The following WDPCP variants were observed in gnomAD, a reference collection of about 807,000 sequenced individuals.
WDPCP encodes the protein WD repeat-containing and planar cell polarity effector protein fritz homolog.
In WDPCP, 71 loss-of-function variants were observed where a neutral mutation model predicts 93.1. The ratio of observed to expected loss-of-function variants is 0.76; its 90% CI spans 0.63 to 0.93. The LOEUF (loss-of-function observed/expected upper bound fraction) is 0.93, where lower values mean the gene tolerates loss of function less well. Among genes scored for constraint, WDPCP ranks in the 40% least tolerant of loss-of-function variants. The probability of loss-of-function intolerance (pLI) is 0.00; values close to 1 mark genes in which losing one functional copy is unlikely to be tolerated. For missense variants in WDPCP, 844 were observed against 887.4 expected (o/e 0.95, Z 0.62); for synonymous variants, 315 against 315.0 (o/e 1.00, Z 0.00).
At chr2:63,396,250 T>G (rs527306250) in intron 10 of WDPCP, among the ~76,000 whole-genome samples, 1 of 152,272 alleles carries the variant, frequency 6.6e-6, no homozygotes, top group East Asian at 1.9e-4. Context: ...TTGGGTAAAG[T>G]ATAATGTTAA....
intron 1 of WDPCP, among the ~76,000 whole-genome samples, chr2:63,825,511 C>G (rs552340737): frequency 4.7e-4 from 72 of 151,986 alleles, no homozygotes; most frequent in African/African-American, 1.7e-3. Flanking sequence ...GCTGCTCTCT[C>G]TTTCTCTGAT....
intron 6 of WDPCP, among the ~76,000 whole-genome samples, chr2:63,451,786 C>G (rs1404994910): frequency 1.3e-5 from 2 of 152,122 alleles, no homozygotes; most frequent in Non-Finnish European, 2.9e-5. Context: ...AAGGCTGGTT[C>G]AACATATGCA....
chr2:63,268,232 G>A (rs1212586184), intron 13 of WDPCP, among the ~76,000 whole-genome samples: 2 of 152,098 alleles, frequency 1.3e-5, no homozygotes. Context: ...CAGAAAGAAA[G>A]ATACTGTATG....
intron 2 of WDPCP, among the ~76,000 whole-genome samples, chr2:63,719,918 A>G (rs192728649): frequency 6.6e-6 from 1 of 152,286 alleles, no homozygotes; most frequent in East Asian, 1.9e-4. Context: ...TTATACTAGT[A>G]TTTATATAGC....
chr2:63,327,437 T>C (rs1330401914), intron 12 of WDPCP, among the ~76,000 whole-genome samples: 1 of 152,180 alleles, frequency 6.6e-6, no homozygotes, highest in Non-Finnish European at 1.5e-5. Context: ...CCACACACTC[T>C]CAAAGGATTT....
At chr2:63,637,258 C>A (rs1709930064) in intron 3 of WDPCP, among the ~76,000 whole-genome samples, 1 of 151,596 alleles carries the variant, frequency 6.6e-6, no homozygotes, top group East Asian at 1.9e-4. Context: ...GAGGCTGAGG[C>A]AGAGAATTGC....
intron 14 of WDPCP, among the ~76,000 whole-genome samples, chr2:63,180,886 A>G (rs1674188292): frequency 6.6e-6 from 1 of 152,070 alleles, no homozygotes; most frequent in Non-Finnish European, 1.5e-5. Context: ...CTTGCGTGAA[A>G]TATGTCATTG....
rs34685763 is a variant in WDPCP at position 63,428,185 on chromosome 2, C to CA, written c.825+5559dup. On this transcript the variant is annotated intron_variant, in intron 9 of 17. Transcript: ENST00000272321. ...GGTACCAATCCTATTGAAACTATTC[C>CA]AAAAAAAAAAAAAAATTGAGGAGGA... Among the ~76,000 whole-genome samples the CA allele has an allele frequency of 6.0e-3, 840 of 139,792 alleles. 5 individuals carry two copies. The highest frequency in any genetic ancestry group is 0.015 in the African/African-American group (561 of 38,194). The allele number at this position is 139,792 out of a possible 152,430, so 91.7% of individuals were successfully genotyped here. A position where few individuals can be genotyped will look rare whatever the true frequency, so the allele number is the denominator to read the frequency against.
chr2:63,381,828 C>G, intron 11 of WDPCP, 78 bp downstream of exon 11: 1 of 1,498,878 alleles, frequency 6.7e-7, no homozygotes, highest in South Asian at 1.2e-5. Flanking sequence ...GACTCAAAAA[C>G]AACCTCAAAA....
At chr2:63,151,853 T>C (rs1164785922) in intron 17 of WDPCP, among the ~76,000 whole-genome samples, 1 of 152,156 alleles carries the variant, frequency 6.6e-6, no homozygotes, top group Non-Finnish European at 1.5e-5. Context: ...TGTGGCATTA[T>C]CTCTATTTTA....
chr2:63,568,450 T>C (rs913492641), intron 1 of WDPCP, among the ~76,000 whole-genome samples: 2 of 152,204 alleles, frequency 1.3e-5, no homozygotes, highest in African/African-American at 4.8e-5. Flanking sequence ...ATAGTACTAT[T>C]TGAAACGCTT....
intron 2 of WDPCP, among the ~76,000 whole-genome samples, chr2:63,811,456 TC>T (rs1277443551): frequency 6.6e-6 from 1 of 152,146 alleles, no homozygotes; most frequent in African/African-American, 2.4e-5. Flanking sequence ...AAGGGCATCC[TC>T]CAGCCAATAG....
At chr2:63,298,274 G>A (rs1685030780) in intron 13 of WDPCP, among the ~76,000 whole-genome samples, 1 of 152,086 alleles carries the variant, frequency 6.6e-6, no homozygotes, top group African/African-American at 2.4e-5. Flanking sequence ...TATTTGAAGG[G>A]ATCGGTTACA....
intron 1 of WDPCP, among the ~76,000 whole-genome samples, chr2:63,582,746 C>T (rs1269199041): frequency 6.6e-6 from 1 of 151,062 alleles, no homozygotes; most frequent in African/African-American, 2.4e-5. Context: ...AGAAACAAGG[C>T]AAATGAAAAA....
chr2:63,645,592 A>C (rs1710038265), intron 3 of WDPCP, among the ~76,000 whole-genome samples: 1 of 152,184 alleles, frequency 6.6e-6, no homozygotes, highest in Non-Finnish European at 1.5e-5. Flanking sequence ...TCCAATGTTG[A>C]AAGTGGAGAG....
intron 15 of WDPCP, among the ~76,000 whole-genome samples, chr2:63,166,026 T>G (rs1324206409): frequency 6.6e-6 from 1 of 151,912 alleles, no homozygotes; most frequent in Non-Finnish European, 1.5e-5. Flanking sequence ...TTTTTGTTTG[T>G]TTTGTTTTTT....
chr2:63,554,476 A>T (rs1705921270), intron 1 of WDPCP, among the ~76,000 whole-genome samples: 1 of 151,982 alleles, frequency 6.6e-6, no homozygotes, highest in Non-Finnish European at 1.5e-5. Context: ...ACGTGGCAAA[A>T]CCCCATCTCT....
At chr2:63,270,059 G>A (rs1682496402) in intron 13 of WDPCP, among the ~76,000 whole-genome samples, 1 of 152,162 alleles carries the variant, frequency 6.6e-6, no homozygotes, top group Non-Finnish European at 1.5e-5. Context: ...GAGAATGAAT[G>A]TAACTTTCAA....
At chr2:63,133,417 C>T (rs1013712871) in intron 17 of WDPCP, among the ~76,000 whole-genome samples, 2 of 152,130 alleles carry the variant, frequency 1.3e-5, no homozygotes, top group Non-Finnish European at 2.9e-5. Flanking sequence ...ATAAGGTCAG[C>T]CTTGTTCGTT....
Sources: allele counts gnomAD v4.1 joint callset (sites outside exome capture counted in the v4.1 genomes callset), GRCh38; gene constraint gnomAD v4.1.1; transcripts MANE v1.5; gene names NCBI Gene and HGNC (gene_info 2026-07-23, HGNC 2026-07-21).